ABCB7: variants seen among roughly 807,000 people sequenced by gnomAD.
ABCB7 encodes iron-sulfur clusters transporter ABCB7, mitochondrial.
A neutral mutation model predicts 54.4 loss-of-function variants in ABCB7; 7 were observed. The ratio of observed to expected loss-of-function variants is 0.13; its 90% confidence interval spans 0.07 to 0.24. The LOEUF (loss-of-function observed/expected upper bound fraction) is 0.24. Ranked by LOEUF, ABCB7 falls within the 10% of genes least tolerant of loss-of-function variation. ABCB7 has a pLI of 1.00. For synonymous variants in ABCB7, 218 were observed against 207.1 expected (o/e 1.05, Z -0.45); for missense variants, 356 against 570.4 (o/e 0.62, Z 3.83).
intron 1 of ABCB7, among the ~76,000 whole-genome samples, chrX:75,130,148 T>C (rs1445977436): frequency 1.8e-5 from 2 of 111,841 alleles, no homozygotes; most frequent in East Asian, 5.6e-4. Context: ...AACCTTGAAA[T>C]GTCTAGGTTA....
chrX:75,127,141 A>T (rs761883889), intron 1 of ABCB7, among the ~76,000 whole-genome samples: 117 of 111,717 alleles, frequency 1.0e-3, no homozygotes, highest in African/African-American at 3.7e-3. Context: ...CTGATGAACA[A>T]GGATGCGAAA....
intron 15 of ABCB7, among the ~76,000 whole-genome samples, chrX:75,055,560 A>C (rs868274231): frequency 0.012 from 1,240 of 100,550 alleles, 27 homozygotes; most frequent in African/African-American, 0.048. Context: ...TACCAAAAAA[A>C]AAAAAAAAAA....
intron 3 of ABCB7, among the ~76,000 whole-genome samples, chrX:75,103,825 T>A (rs1276126975): frequency 9.1e-6 from 1 of 109,896 alleles, no homozygotes; most frequent in African/African-American, 3.3e-5. Flanking sequence ...TTTTGTGTCC[T>A]GTAACTTTAC....
At chrX:75,073,529 G>A (rs919215659) in intron 8 of ABCB7, among the ~76,000 whole-genome samples, 160 bp downstream of exon 8, 1 of 111,895 alleles carries the variant, frequency 8.9e-6, no homozygotes, top group Non-Finnish European at 1.9e-5. Flanking sequence ...AAGGAAAGAG[G>A]ATAGTTTCTA....
At chrX:75,097,055 T>C (rs1350035322) in intron 4 of ABCB7, among the ~76,000 whole-genome samples, 1 of 111,682 alleles carries the variant, frequency 9.0e-6, no homozygotes, top group Non-Finnish European at 1.9e-5. Flanking sequence ...CAGATTAATT[T>C]CCTAAAACAC....
chrX:75,071,202 A>G (rs750536083), intron 9 of ABCB7, among the ~76,000 whole-genome samples: 22 of 110,792 alleles, frequency 2.0e-4, no homozygotes, highest in Admixed American at 2.9e-4. Context: ...AATCAATTAC[A>G]TTGCTTTACA....
At chrX:75,148,396 G>T (rs1253915352) in intron 1 of ABCB7, among the ~76,000 whole-genome samples, 1 of 107,138 alleles carries the variant, frequency 9.3e-6, no homozygotes, top group African/African-American at 3.4e-5. Context: ...AACCCCCGAG[G>T]TAACCACTTT....
intron 4 of ABCB7, among the ~76,000 whole-genome samples, chrX:75,091,962 T>C (rs1441454248): frequency 9.0e-6 from 1 of 111,650 alleles, no homozygotes; most frequent in East Asian, 2.8e-4. Context: ...TGTTCATGTA[T>C]GGGAAGACTC....
chrX:75,079,487 C>A (rs778584243), intron 4 of ABCB7, among the ~76,000 whole-genome samples: 2 of 110,740 alleles, frequency 1.8e-5, no homozygotes, highest in Non-Finnish European at 3.8e-5. Flanking sequence ...AAATGAGAAT[C>A]TTTAAAAAAA....
At chrX:75,129,963 T>G (rs1012185549) in intron 1 of ABCB7, among the ~76,000 whole-genome samples, 34 of 111,218 alleles carry the variant, frequency 3.1e-4, no homozygotes, top group African/African-American at 9.8e-4. Context: ...AATACTATTA[T>G]TATTTTCCCA....
At chrX:75,120,493 G>A (rs1414360252) in intron 1 of ABCB7, among the ~76,000 whole-genome samples, 3 of 110,054 alleles carry the variant, frequency 2.7e-5, no homozygotes, top group Non-Finnish European at 3.8e-5. Flanking sequence ...CCTGTAATCC[G>A]AGCTACTTGG....
At chrX:75,136,290 G>A (rs2082008591) in intron 1 of ABCB7, among the ~76,000 whole-genome samples, 1 of 110,799 alleles carries the variant, frequency 9.0e-6, no homozygotes, top group Admixed American at 9.6e-5. Flanking sequence ...AGCTAACTAG[G>A]GATGTGAAAG....
At chrX:75,136,995 A>T (rs1159404150) in intron 1 of ABCB7, among the ~76,000 whole-genome samples, 2 of 112,430 alleles carry the variant, frequency 1.8e-5, no homozygotes, top group African/African-American at 3.2e-5. Context: ...GGAGGAAGAC[A>T]CCAAAAGCAA....
intron 15 of ABCB7, among the ~76,000 whole-genome samples, chrX:75,059,071 C>T (rs777379966): frequency 1.8e-5 from 2 of 111,468 alleles, no homozygotes; most frequent in Non-Finnish European, 3.8e-5. Flanking sequence ...ATACAAACCA[C>T]AACACTGAAT....
intron 4 of ABCB7, among the ~76,000 whole-genome samples, chrX:75,093,136 A>C (rs775874834): frequency 2.7e-5 from 3 of 112,265 alleles, no homozygotes. Context: ...AGCTTTATTA[A>C]TGACGGCCAA....
rs2081309351 is a variant in ABCB7, at chrX:75,065,252, T to C, written c.1660-11A>G. ...GAAGAGGACAGCATCCTGAAGCAGA[T>C]ATACTGAATGAATATATATCTATAT... On this transcript the variant is annotated splice_polypyrimidine_tract_variant and intron_variant, in intron 12 of 15. Coordinates refer to ENST00000373394, the MANE Select transcript of ABCB7 (RefSeq NM_001271696.3). 2.6e-6 allele frequency: 3 copies of C among 1,161,252 alleles called. No homozygotes were observed. The highest frequency in any genetic ancestry group is 3.5e-6 in the Non-Finnish European group (3 of 853,733).
rs2081207969 is a variant in ABCB7, at chrX:75,053,098, C to T, written c.*272G>A. ...GCTATAGATCAAATGAATGTCAGGCCTCAAGAGGGTAATGTGGTAATATCA... is the reference window on the plus strand; with the variant it reads ...GCTATAGATCAAATGAATGTCAGGCTTCAAGAGGGTAATGTGGTAATATCA... On this transcript the variant is annotated 3_prime_UTR_variant, in exon 16 of 16. Coordinates refer to ENST00000373394, the MANE Select transcript of ABCB7 (RefSeq NM_001271696.3). The T allele has an allele frequency of 2.9e-6, 1 of 346,581 alleles. No homozygotes were observed. The highest frequency in any genetic ancestry group is 5.3e-5 in the East Asian group (1 of 18,720). The allele number at this position is 346,581 out of a possible 1,213,427, so 28.6% of individuals were successfully genotyped here.
intron 4 of ABCB7, among the ~76,000 whole-genome samples, chrX:75,080,433 T>A (rs1474201090): frequency 1.8e-5 from 2 of 111,196 alleles, no homozygotes; most frequent in African/African-American, 6.5e-5. Context: ...GCCTCTTGAG[T>A]AGCTGGGACT....
At chrX:75,143,918 T>C (rs759359171) in intron 1 of ABCB7, among the ~76,000 whole-genome samples, 1 of 111,249 alleles carries the variant, frequency 9.0e-6, no homozygotes, top group South Asian at 3.8e-4. Flanking sequence ...CCATATCAGA[T>C]GGGTAAGAAA....
Sources: allele counts gnomAD v4.1 joint callset (sites outside exome capture counted in the v4.1 genomes callset), GRCh38; gene constraint gnomAD v4.1.1; transcripts MANE v1.5; gene names NCBI Gene and HGNC (gene_info 2026-07-23, HGNC 2026-07-21).